The following KCNB2 variants were observed in gnomAD, a reference collection of about 807,000 sequenced individuals.
KCNB2 encodes potassium voltage-gated channel subfamily B member 2.
Under a neutral mutation model 61.5 loss-of-function variants are expected in KCNB2, and 15 were observed. The observed-to-expected ratio is 0.24, with a 90% CI of 0.16 to 0.38. The LOEUF (loss-of-function observed/expected upper bound fraction) is 0.38. Among genes scored for constraint, KCNB2 ranks in the 10% least tolerant of loss-of-function variants. The pLI is 1.00. For missense variants in KCNB2, 828 were observed against 1,125.2 expected (o/e 0.74, Z 3.78); for synonymous variants, 457 against 446.0 (o/e 1.02, Z -0.31).
At chr8:72,874,563 C>A (rs1006912296) in intron 2 of KCNB2, among the ~76,000 whole-genome samples, 1 of 152,226 alleles carries the variant, frequency 6.6e-6, no homozygotes, top group African/African-American at 2.4e-5. Flanking sequence ...AAAGCCTGGA[C>A]AGGTGGACAC....
chr8:72,728,776 C>T (rs958324816), intron 2 of KCNB2, among the ~76,000 whole-genome samples: 1 of 152,066 alleles, frequency 6.6e-6, no homozygotes, highest in Non-Finnish European at 1.5e-5. Context: ...CTGGAAGTAT[C>T]GTGAGGTCTT....
At chr8:72,683,080 A>G (rs541607377) in intron 2 of KCNB2, among the ~76,000 whole-genome samples, 9 of 152,234 alleles carry the variant, frequency 5.9e-5, no homozygotes, top group Non-Finnish European at 1.2e-4. Flanking sequence ...TTGATTAATA[A>G]TAGGTGGATC....
At chr8:72,905,748 T>C (rs1806166375) in intron 2 of KCNB2, among the ~76,000 whole-genome samples, 1 of 152,150 alleles carries the variant, frequency 6.6e-6, no homozygotes, top group South Asian at 2.1e-4. Context: ...GCCCAGTGTT[T>C]TCCAAAAGCC....
At chr8:72,728,957 TAA>T (rs1807695340) in intron 2 of KCNB2, among the ~76,000 whole-genome samples, 1 of 152,236 alleles carries the variant, frequency 6.6e-6, no homozygotes, top group Non-Finnish European at 1.5e-5. Context: ...AGTACAACGT[TAA>T]AGACTGGGTT....
At chr8:72,699,437 G>A (rs1019212664) in intron 2 of KCNB2, among the ~76,000 whole-genome samples, 1 of 77,458 alleles carries the variant, frequency 1.3e-5, no homozygotes, top group Admixed American at 1.1e-4. Context: ...TTTTTGATGG[G>A]GTTGTTTGTT....
chr8:72,696,590 GA>G (rs1807021877), intron 2 of KCNB2, among the ~76,000 whole-genome samples: 1 of 152,142 alleles, frequency 6.6e-6, no homozygotes, highest in Non-Finnish European at 1.5e-5. Context: ...ATTTGGATGG[GA>G]AAGGTATAGT....
At chr8:72,621,602 A>G (rs1805714523) in intron 2 of KCNB2, among the ~76,000 whole-genome samples, 1 of 152,150 alleles carries the variant, frequency 6.6e-6, no homozygotes, top group South Asian at 2.1e-4. Context: ...GGTACATGAT[A>G]TGTTTGGATA....
At chr8:72,808,017 A>G (rs540723214) in intron 2 of KCNB2, among the ~76,000 whole-genome samples, 1 of 152,308 alleles carries the variant, frequency 6.6e-6, no homozygotes, top group South Asian at 2.1e-4. Flanking sequence ...CTACCATGAC[A>G]ATCTCCCGAT....
At chr8:72,918,231 C>T (rs896312212) in intron 2 of KCNB2, among the ~76,000 whole-genome samples, 1 of 152,166 alleles carries the variant, frequency 6.6e-6, no homozygotes, top group African/African-American at 2.4e-5. Flanking sequence ...GATCAAGCAG[C>T]ATAAAAGTTG....
rs148615323 is a variant in KCNB2 at position 72,680,332 on chromosome 8, A to G, written c.579+112019A>G. On this transcript the variant is annotated intron_variant, in intron 2 of 2. Transcript: ENST00000523207. ...GGAGGTGAACTCAGAAAGATAGGAA[A>G]GGTCAGATATGTACATGGGGCAATG... 4.7e-4 allele frequency among the ~76,000 whole-genome samples: 72 copies of G among 152,310 alleles called. 1 individual carries two copies. Among genetic ancestry groups the G allele is most frequent in the African/African-American group, 1.6e-3 (68 of 41,562 alleles).
chr8:72,839,540 C>T (rs1024224747), intron 2 of KCNB2, among the ~76,000 whole-genome samples: 11 of 148,594 alleles, frequency 7.4e-5, no homozygotes, highest in African/African-American at 2.8e-4. Flanking sequence ...TTCACTCCAG[C>T]GGGGGAAGGC....
chr8:72,667,052 T>G (rs1156595), intron 2 of KCNB2, among the ~76,000 whole-genome samples: 18,256 of 150,188 alleles, frequency 0.12, 1,574 homozygotes, highest in East Asian at 0.51. Flanking sequence ...CAGAGAGAGA[T>G]AGAGAGAAAG....
At chr8:72,768,996 A>G (rs559646173) in intron 2 of KCNB2, among the ~76,000 whole-genome samples, 3 of 152,134 alleles carry the variant, frequency 2.0e-5, no homozygotes, top group Admixed American at 6.5e-5. Flanking sequence ...CCCCGTCTCT[A>G]CTAAAAACAC....
At chr8:72,836,367 T>G (rs1247036681) in intron 2 of KCNB2, among the ~76,000 whole-genome samples, 1 of 152,198 alleles carries the variant, frequency 6.6e-6, no homozygotes, top group African/African-American at 2.4e-5. Flanking sequence ...AAGTCTCCAA[T>G]CGACTGAATA....
chr8:72,665,546 A>G (rs1229948155), intron 2 of KCNB2, among the ~76,000 whole-genome samples: 1 of 128,416 alleles, frequency 7.8e-6, no homozygotes, highest in Non-Finnish European at 1.7e-5. Context: ...AACATAATAG[A>G]GGTGTATCAT....
In KCNB2 at chr8:72,669,620, C is replaced by T. The variant is rs542342793; in HGVS notation, c.579+101307C>T. On this transcript the variant is annotated intron_variant, in intron 2 of 2. Transcript: ENST00000523207. ...ATATTCTTTTATTGTAATGAAATCA[C>T]GTGACATGTATTTCATTCAGATTTT... 8.5e-5 allele frequency among the ~76,000 whole-genome samples: 13 copies of T among 152,216 alleles called. No homozygotes were observed. In the South Asian group the frequency reaches 2.7e-3, roughly 32 times the overall value.
At chr8:72,850,273 G>A (rs1207809341) in intron 2 of KCNB2, among the ~76,000 whole-genome samples, 1 of 151,722 alleles carries the variant, frequency 6.6e-6, no homozygotes, top group African/African-American at 2.4e-5. Flanking sequence ...AGGCTGGAAT[G>A]CTGGGGTACG....
At chr8:72,868,407 G>A (rs1334181696) in intron 2 of KCNB2, among the ~76,000 whole-genome samples, 3 of 151,468 alleles carry the variant, frequency 2.0e-5, no homozygotes, top group Admixed American at 6.6e-5. Flanking sequence ...GTGAAACCCC[G>A]TCTCTACTAA....
chr8:72,930,506 G>A (rs972716961), intron 2 of KCNB2, among the ~76,000 whole-genome samples: 86 of 152,276 alleles, frequency 5.6e-4, no homozygotes, highest in African/African-American at 1.9e-3. Flanking sequence ...GTGTGAGATG[G>A]TATTTCATTG....
Sources: gnomAD v4.1 joint callset for allele counts (sites outside exome capture counted in the v4.1 genomes callset) on GRCh38, gnomAD v4.1.1 for gene constraint, MANE v1.5 for transcripts, NCBI Gene and HGNC (gene_info 2026-07-23, HGNC 2026-07-21) for gene names.